CHAT: variants seen among roughly 807,000 people sequenced by gnomAD.
CHAT encodes choline O-acetyltransferase.
In CHAT, 61 loss-of-function variants were observed where a neutral mutation model predicts 76.9. The observed-to-expected ratio is 0.79, with a 90% CI of 0.65 to 0.98. The LOEUF is 0.98. CHAT is among the 50% of genes least tolerant of loss of function. The pLI is 0.00. For missense variants in CHAT, 946 were observed against 986.9 expected, an observed-to-expected ratio of 0.96 and a Z score of 0.56; for synonymous variants, 407 against 397.4, an observed-to-expected ratio of 1.02 and a Z score of -0.29.
At chr10:49,639,222 C>T (rs533118679) in intron 7 of CHAT, among the ~76,000 whole-genome samples, 25 of 152,192 alleles carry the variant, frequency 1.6e-4, no homozygotes, top group Admixed American at 1.5e-3. Context: ...GGTGACAGAG[C>T]GAGACTCCAT....
intron 13 of CHAT, among the ~76,000 whole-genome samples, chr10:49,658,440 C>T (rs546497494): frequency 5.9e-4 from 90 of 152,346 alleles, no homozygotes; most frequent in Admixed American, 3.3e-3. Flanking sequence ...ATAGCTTGAA[C>T]CCGGGAGGTG....
intron 7 of CHAT, among the ~76,000 whole-genome samples, chr10:49,645,576 C>T (rs927790164): frequency 4.6e-5 from 7 of 152,098 alleles, no homozygotes; most frequent in East Asian, 1.9e-4. Flanking sequence ...CAGGTCCTGC[C>T]GGGTGGGCTT....
Position 49,649,559 on chromosome 10 carries a change from C to T in CHAT, c.1434C>T (p.Pro478=), listed in dbSNP as rs1322638546. Residue 478 remains proline (P), a synonymous_variant, in exon 10 of 15, where the codon CCC becomes CCT. Coordinates refer to ENST00000337653, the MANE Select transcript of CHAT (RefSeq NM_020549.5). The part of the protein sequence containing the change: ...LIRADSVSEL[P]APRRLRWKCS... ...GAGCAGACTCCGTCAGCGAGCTCCC[C>T]GCCCCCCGGAGGCTGCGGTGGAAAT... The T allele has an allele frequency of 6.2e-6, 10 of 1,613,776 alleles. No individual in the cohort carries two copies. The highest frequency in any genetic ancestry group is 1.3e-5 in the African/African-American group (1 of 74,940).
chr10:49,621,721 C>G (rs1443066305), intron 4 of CHAT, among the ~76,000 whole-genome samples: 1 of 152,140 alleles, frequency 6.6e-6, no homozygotes, highest in East Asian at 1.9e-4. Flanking sequence ...GCTTCCGTCT[C>G]CCTCTCTGCT....
At chr10:49,627,905 C>T in intron 7 of CHAT, 120 bp downstream of exon 7, 2 of 1,202,036 alleles carry the variant, frequency 1.7e-6, no homozygotes, top group Non-Finnish European at 2.4e-6. Context: ...GAGCTCAGGG[C>T]CCACAGCATG....
intron 10 of CHAT, among the ~76,000 whole-genome samples, chr10:49,649,860 A>G (rs374353120): frequency 6.9e-6 from 1 of 144,908 alleles, no homozygotes; most frequent in Non-Finnish European, 1.5e-5. Flanking sequence ...ATGCAAACGC[A>G]GGGCTATTTT....
At chr10:49,610,030 A>T (rs874273), upstream of CHAT, among the ~76,000 whole-genome samples, 3 of 150,626 alleles carry the variant, frequency 2.0e-5, no homozygotes, top group African/African-American at 4.9e-5. Flanking sequence ...GGCGGGGGGC[A>T]GGCAGGGGGC....
chr10:49,643,164 T>A (rs1249695731), intron 7 of CHAT, among the ~76,000 whole-genome samples: 3 of 152,250 alleles, frequency 2.0e-5, no homozygotes, highest in African/African-American at 7.2e-5. Flanking sequence ...CTATCTTATA[T>A]GCATCAATAT....
At chr10:49,661,663 T>A (rs1840198349) in intron 13 of CHAT, among the ~76,000 whole-genome samples, 3 of 152,156 alleles carry the variant, frequency 2.0e-5, no homozygotes, top group African/African-American at 7.2e-5. Context: ...CCCCAAGAGT[T>A]ACTCACAGTT....
intron 2 of CHAT, 44 bp downstream of exon 2, chr10:49,616,646 C>G (rs769155206): frequency 7.5e-7 from 1 of 1,330,322 alleles, no homozygotes; most frequent in South Asian, 1.2e-5. Context: ...CTTTCCCCAC[C>G]TACATGCCCT....
upstream of CHAT, chr10:49,611,951 C>T (rs2132688378): frequency 1.2e-6 from 2 of 1,612,536 alleles, no homozygotes; most frequent in East Asian, 2.2e-5. Flanking sequence ...CTGCTGCCCA[C>T]GCTCGCCTTC....
chr10:49,640,589 T>C (rs976312174), intron 7 of CHAT, among the ~76,000 whole-genome samples: 15 of 152,112 alleles, frequency 9.9e-5, no homozygotes, highest in African/African-American at 2.4e-4. Context: ...TCAATGGAGA[T>C]AGAATTCTCA....
chr10:49,642,598 C>G (rs555334827), intron 7 of CHAT, among the ~76,000 whole-genome samples: 2 of 152,236 alleles, frequency 1.3e-5, no homozygotes, highest in Non-Finnish European at 2.9e-5. Flanking sequence ...AAGGAGTGTG[C>G]CAGGCCTCCA....
chr10:49,637,598 C>A, intron 7 of CHAT: 1 of 152,826 alleles, frequency 6.5e-6, no homozygotes, highest in South Asian at 1.9e-4. Flanking sequence ...CCTTGCTTCC[C>A]CTTCGCGTTC....
upstream of CHAT, chr10:49,611,912 GT>G: frequency 1.9e-6 from 3 of 1,612,178 alleles, no homozygotes; most frequent in Non-Finnish European, 2.5e-6. Context: ...TGCGGCCTCT[GT>G]TTTGGCATAG....
intron 7 of CHAT, among the ~76,000 whole-genome samples, chr10:49,642,030 AC>A (rs1839497902): frequency 6.6e-6 from 1 of 152,030 alleles, no homozygotes; most frequent in African/African-American, 2.4e-5. Context: ...TGGAATTTCC[AC>A]ACTACCAAAG....
In CHAT at chr10:49,627,517, C is replaced by A. The variant is rs569733766; in HGVS notation, c.934-91C>A. ...CCTTGGGAACCTTGGGCCTGAGCATCCCTGCCCCAAGCTTACCTGTGAAGG... is the reference window on the plus strand; with the variant it reads ...CCTTGGGAACCTTGGGCCTGAGCATACCTGCCCCAAGCTTACCTGTGAAGG... On this transcript the variant is annotated intron_variant, in intron 6 of 14. Coordinates refer to ENST00000337653, the MANE Select transcript of CHAT (RefSeq NM_020549.5). 26 of 1,343,686 alleles carry A rather than the reference C, an allele frequency of 1.9e-5. No homozygotes were observed. The East Asian group carries it at 3.0e-4, about 15-fold the overall frequency. 83.2% of individuals were successfully genotyped at this position (1,343,686 alleles called of 1,614,324 possible). A position where few individuals can be genotyped will look rare whatever the true frequency, so the allele number is the denominator to read the frequency against.
Position 49,614,487 on chromosome 10 carries a change from G to A in CHAT, c.286+12G>A. The A allele has an allele frequency of 1.3e-6, 2 of 1,540,940 alleles. No homozygotes were observed. The highest frequency in any genetic ancestry group is 1.7e-6 in the Non-Finnish European group (2 of 1,146,060). On this transcript the variant is annotated intron_variant, in intron 1 of 14. Coordinates refer to ENST00000337653, the MANE Select transcript of CHAT (RefSeq NM_020549.5). ...GCCGAGGAGAGCAGGTGAGAAGAAGGGCTGGGCTGGGCTGGCGGAGCGCGG... is the reference window on the plus strand; with the variant it reads ...GCCGAGGAGAGCAGGTGAGAAGAAGAGCTGGGCTGGGCTGGCGGAGCGCGG...
At position 49,614,378 on chromosome 10, in the gene CHAT, T is replaced by C. The variant is rs1345059203; in HGVS notation, c.189T>C (p.Ala63=). ...GNPGCSPHPR[A]ATRPPPLPAH... ...CAGGCTGCAGCCCCCACCCCCGCGC[T>C]GCGACACGCCCCCCACCCCTTCCGG... Residue 63 remains alanine, a synonymous_variant, in exon 1 of 15, where the codon GCT becomes GCC. Transcript: ENST00000337653. 2 of 1,530,848 alleles carry C rather than the reference T, an allele frequency of 1.3e-6. No individual in the cohort carries two copies. The highest frequency in any genetic ancestry group is 1.8e-6 in the Non-Finnish European group (2 of 1,132,264). 94.8% of individuals were successfully genotyped at this position (1,530,848 alleles called of 1,614,324 possible).
Sources: gnomAD v4.1 joint callset for allele counts (sites outside exome capture counted in the v4.1 genomes callset) on GRCh38, gnomAD v4.1.1 for gene constraint, MANE v1.5 for transcripts, NCBI Gene and HGNC (gene_info 2026-07-23, HGNC 2026-07-21) for gene names.